Variants in UNC80 observed in about 807,000 individuals in gnomAD.
UNC80 encodes the protein protein unc-80 homolog.
In UNC80, 164 loss-of-function variants were observed where a neutral mutation model predicts 384.6. That is an observed-to-expected ratio of 0.43 (90% CI 0.38 to 0.49). The LOEUF is 0.49. Ranked by LOEUF, UNC80 falls within the 20% of genes least tolerant of loss-of-function variation. The pLI, the probability that UNC80 is intolerant of heterozygous loss-of-function variation, is 0.00. For synonymous variants in UNC80, 1,486 were observed against 1,527.8 expected (o/e 0.97, Z 0.64); for missense variants, 3,330 against 4,143.0 (o/e 0.80, Z 5.39).
intron 39 of UNC80, 85 bp from the exon 40 acceptor site, chr2:209,935,629 A>G: frequency 1.7e-6 from 1 of 579,048 alleles, no homozygotes; most frequent in Non-Finnish European, 2.8e-6. Flanking sequence ...ACATCAGCTT[A>G]TTGATAATAT....
intron 13 of UNC80, among the ~76,000 whole-genome samples, chr2:209,824,744 A>G (rs913834217): frequency 1.3e-5 from 2 of 152,138 alleles, no homozygotes; most frequent in African/African-American, 4.8e-5. Flanking sequence ...ACTCGATAAC[A>G]TTAGGGGAGG....
Position 209,840,530 on chromosome 2 carries a change from A to C in UNC80, c.3251-12A>C. ...ATGCTACATTGATCTAAGTGATTTA[A>C]CTATTAAATAGGGAACTGGCTGAAG... On this transcript the variant is annotated splice_polypyrimidine_tract_variant and intron_variant, in intron 19 of 64. Transcript: ENST00000673920. 1 of 1,548,512 alleles carries C rather than the reference A, an allele frequency of 6.5e-7. No homozygotes were observed. The highest frequency in any genetic ancestry group is 8.7e-7 in the Non-Finnish European group (1 of 1,144,124).
chr2:209,910,702 G>T (rs576897437), intron 29 of UNC80, among the ~76,000 whole-genome samples: 4 of 144,164 alleles, frequency 2.8e-5, no homozygotes, highest in East Asian at 2.0e-4. Context: ...TATCTGCCTG[G>T]TTAAAATTCC....
At chr2:209,940,843 C>T (rs927502267) in intron 43 of UNC80, among the ~76,000 whole-genome samples, 7 of 152,114 alleles carry the variant, frequency 4.6e-5, no homozygotes, top group Middle Eastern at 3.4e-3. Context: ...AAAAACAAAA[C>T]GCTTCAGCTT....
At chr2:209,926,701 A>C in intron 35 of UNC80, 142 bp from the exon 36 acceptor site, 3 of 1,008,684 alleles carry the variant, frequency 3.0e-6, no homozygotes, top group Non-Finnish European at 4.3e-6. Flanking sequence ...TCTTGAGCCC[A>C]AGAAGTCGAG....
intron 22 of UNC80, among the ~76,000 whole-genome samples, chr2:209,852,214 CCT>C (rs1294193368): frequency 6.6e-6 from 1 of 151,976 alleles, no homozygotes; most frequent in Non-Finnish European, 1.5e-5. Flanking sequence ...TCCTTTCATA[CCT>C]GACAGTCTTT....
intron 21 of UNC80, among the ~76,000 whole-genome samples, chr2:209,843,664 T>C (rs1050710349): frequency 1.3e-5 from 2 of 152,212 alleles, no homozygotes; most frequent in Non-Finnish European, 2.9e-5. Context: ...TAAAGATCTG[T>C]CTGCAGAGAC....
At chr2:209,808,846 C>T (rs767232117) in intron 7 of UNC80, 1 of 326,140 alleles carries the variant, frequency 3.1e-6, no homozygotes, top group Non-Finnish European at 5.8e-6. Context: ...TGACCCTGAT[C>T]GGAAGCCCAA....
chr2:209,915,447 G>A (rs933900221), intron 31 of UNC80, among the ~76,000 whole-genome samples: 3 of 150,700 alleles, frequency 2.0e-5, no homozygotes, highest in East Asian at 1.9e-4. Context: ...GAATGTGGAC[G>A]TGCACTGGGC....
At chr2:209,925,914 A>G (rs1190397879) in intron 35 of UNC80, among the ~76,000 whole-genome samples, 1 of 152,184 alleles carries the variant, frequency 6.6e-6, no homozygotes, top group Non-Finnish European at 1.5e-5. Flanking sequence ...GTAAGTTTTA[A>G]TCTGAGAATC....
chr2:209,902,991 T>C (rs2087599027), intron 28 of UNC80, among the ~76,000 whole-genome samples: 1 of 148,914 alleles, frequency 6.7e-6, no homozygotes, highest in Admixed American at 6.7e-5. Context: ...GGGCCTCCCA[T>C]GAATACCAGG....
chr2:209,877,996 G>A lies in UNC80; in HGVS notation c.3883G>A (p.Glu1295Lys). 2 of 1,543,738 alleles carry A rather than the reference G, an allele frequency of 1.3e-6. No homozygotes were observed. The highest frequency in any genetic ancestry group is 1.7e-6 in the Non-Finnish European group (2 of 1,143,146). ...GAATGAGCTGTGCCACGGGGAAAGT[G>A]AGAGCCCAGCCAACCTGCTGGGTCT... ...RLNELCHGESESPANLLGLIY... is the reference protein window; with the variant it reads ...RLNELCHGESKSPANLLGLIY... Residue 1295 changes from glutamate (E) to lysine (K), a missense_variant, in exon 24 of 65, where the codon GAG (glutamate) becomes AAG (lysine). By Grantham distance (56) the Glu-to-Lys change is moderately conservative. Coordinates refer to ENST00000673920, the MANE Select transcript of UNC80 (RefSeq NM_001371986.1).
At chr2:209,863,631 A>G (rs2083495333) in intron 22 of UNC80, among the ~76,000 whole-genome samples, 1 of 151,626 alleles carries the variant, frequency 6.6e-6, no homozygotes. Flanking sequence ...CGATTCAGCT[A>G]TTGATACTTG....
chr2:209,986,906 T>A (rs192659009), intron 61 of UNC80, among the ~76,000 whole-genome samples: 1 of 152,302 alleles, frequency 6.6e-6, no homozygotes, highest in East Asian at 1.9e-4. Context: ...CTTTTTATAT[T>A]TAGTTTCCAG....
chr2:209,916,873 A>G (rs2089587266), intron 31 of UNC80, among the ~76,000 whole-genome samples: 1 of 152,238 alleles, frequency 6.6e-6, no homozygotes, highest in Admixed American at 6.5e-5. Flanking sequence ...TTCACAAAGC[A>G]CTTTCTCATA....
chr2:209,950,637 C>T (rs568479634), intron 47 of UNC80, among the ~76,000 whole-genome samples: 9 of 151,332 alleles, frequency 5.9e-5, no homozygotes, highest in South Asian at 2.1e-4. Flanking sequence ...CGGCTCACAG[C>T]GACCTCCACC....
At chr2:209,774,991 A>G (rs182275133) in intron 2 of UNC80, among the ~76,000 whole-genome samples, 9 of 152,276 alleles carry the variant, frequency 5.9e-5, no homozygotes, top group Non-Finnish European at 7.4e-5. Context: ...GGACTTGTTT[A>G]TGATTATTAT....
intron 22 of UNC80, among the ~76,000 whole-genome samples, chr2:209,851,080 TAGTC>T (rs1232560347): frequency 6.6e-6 from 1 of 152,034 alleles, no homozygotes; most frequent in Non-Finnish European, 1.5e-5. Flanking sequence ...AAAATACTAA[TAGTC>T]AGTAAACTAC....
intron 4 of UNC80, among the ~76,000 whole-genome samples, chr2:209,779,480 A>AT (rs150841568): frequency 0.15 from 22,260 of 151,762 alleles, 2,458 homozygotes; most frequent in African/African-American, 0.3. Context: ...GCTATCCTAC[A>AT]TTTTTTTCCT....
Sources: allele counts gnomAD v4.1 joint callset (sites outside exome capture counted in the v4.1 genomes callset), GRCh38; gene constraint gnomAD v4.1.1; transcripts MANE v1.5; gene names NCBI Gene and HGNC (gene_info 2026-07-23, HGNC 2026-07-21).